The following GABPA variants were observed in gnomAD, a reference collection of about 807,000 sequenced individuals.
GABPA encodes the protein GA-binding protein alpha chain.
GABPA carries 4 observed loss-of-function variants against 59.4 expected under a neutral mutation model. The observed-to-expected ratio is 0.07, with a 90% CI of 0.03 to 0.15. GABPA has a LOEUF of 0.15. Ranked by LOEUF, GABPA falls within the 10% of genes least tolerant of loss-of-function variation. The pLI is 1.00. For synonymous variants in GABPA, 164 were observed against 183.1 expected (o/e 0.90, Z 0.84); for missense variants, 251 against 543.8 (o/e 0.46, Z 5.36).
chr21:25,760,179 C>G (rs1005014093), intron 6 of GABPA, among the ~76,000 whole-genome samples: 1 of 152,132 alleles, frequency 6.6e-6, no homozygotes, highest in African/African-American at 2.4e-5. Context: ...TAGGGAAATC[C>G]CATCTGCTTT....
chr21:25,755,882 A>G (rs1344539042), intron 5 of GABPA, among the ~76,000 whole-genome samples: 1 of 152,174 alleles, frequency 6.6e-6, no homozygotes, highest in Non-Finnish European at 1.5e-5. Context: ...GGGGTTCTGC[A>G]GGCAGGAATT....
At chr21:25,761,396 T>C (rs776793638) in intron 6 of GABPA, among the ~76,000 whole-genome samples, 1 of 152,188 alleles carries the variant, frequency 6.6e-6, no homozygotes, top group Non-Finnish European at 1.5e-5. Flanking sequence ...TCCCATATAA[T>C]TCTTAAGTCC....
At chr21:25,766,182 T>G (rs981915785) in intron 9 of GABPA, among the ~76,000 whole-genome samples, 3 of 152,004 alleles carry the variant, frequency 2.0e-5, no homozygotes, top group African/African-American at 7.2e-5. Flanking sequence ...GGAAACGACC[T>G]GCTTTTCAAT....
chr21:25,736,201 C>A (rs1265862162), intron 1 of GABPA, among the ~76,000 whole-genome samples: 2 of 151,860 alleles, frequency 1.3e-5, no homozygotes, highest in East Asian at 3.9e-4. Context: ...ATTTAGGGAC[C>A]CCAGTTTGAT....
intron 7 of GABPA, chr21:25,763,483 T>A (rs1276303908): frequency 6.0e-6 from 1 of 167,978 alleles, no homozygotes; most frequent in Non-Finnish European, 1.3e-5. Context: ...ATACCTGTTG[T>A]AGGTTTCATT....
chr21:25,749,232 A>G (rs1488372009), intron 4 of GABPA, 112 bp downstream of exon 4: 1 of 643,144 alleles, frequency 1.6e-6, no homozygotes, highest in African/African-American at 1.8e-5. Flanking sequence ...ATATGATATA[A>G]TAGCCAAAAT....
intron 5 of GABPA, among the ~76,000 whole-genome samples, chr21:25,754,791 C>T (rs1232182249): frequency 1.3e-5 from 2 of 152,170 alleles, no homozygotes; most frequent in African/African-American, 4.8e-5. Flanking sequence ...GTGGCTCATG[C>T]CTGTAATCCC....
chr21:25,736,812 A>G (rs764948164), intron 1 of GABPA, among the ~76,000 whole-genome samples: 3 of 152,210 alleles, frequency 2.0e-5, no homozygotes, highest in East Asian at 1.9e-4. Context: ...CTCTTTTTAT[A>G]TTACATAGAT....
rs914384422 is a variant in GABPA, at chr21:25,770,943, AAG to A, written c.*1715_*1716del. The A allele has an allele frequency of 6.6e-6, 1 of 152,030 alleles. No homozygotes were observed. The highest frequency in any genetic ancestry group is 2.4e-5 in the African/African-American group (1 of 41,436). 9.4% of individuals were successfully genotyped at this position (152,030 alleles called of 1,614,324 possible). ...TGTATTTCCATTTTTACTTTTTTGA[AAG>A]AGAATATATGGACAGATTATTAGTA... On this transcript the variant is annotated 3_prime_UTR_variant, in exon 10 of 10. Transcript: ENST00000400075.
intron 2 of GABPA, 107 bp downstream of exon 2, chr21:25,741,782 A>C (rs1172203737): frequency 2.8e-5 from 18 of 650,620 alleles, no homozygotes; most frequent in South Asian, 1.8e-4. Context: ...AACTGTTCTC[A>C]GTATTTTAGG....
At chr21:25,744,708 C>T (rs764218211) in intron 2 of GABPA, among the ~76,000 whole-genome samples, 23 of 151,954 alleles carry the variant, frequency 1.5e-4, no homozygotes, top group Non-Finnish European at 2.4e-4. Context: ...AAACGTTGAG[C>T]TGTCCTGATT....
At chr21:25,747,382 C>T (rs1170265986) in intron 3 of GABPA, among the ~76,000 whole-genome samples, 3 of 152,142 alleles carry the variant, frequency 2.0e-5, no homozygotes, top group Non-Finnish European at 4.4e-5. Flanking sequence ...CTGCAGATTA[C>T]CCAGGCTCTT....
chr21:25,737,175 A>G (rs8133991), intron 1 of GABPA, among the ~76,000 whole-genome samples: 19,645 of 152,300 alleles, frequency 0.13, 1,383 homozygotes, highest in Non-Finnish European at 0.15. Flanking sequence ...TTAATCCAGC[A>G]GAACCAGAGT....
chr21:25,763,280 C>T (rs1601149545), intron 7 of GABPA: 2 of 363,154 alleles, frequency 5.5e-6, no homozygotes, highest in East Asian at 1.4e-4. Flanking sequence ...GCATTTTTCC[C>T]CCCTTTTCAG....
At chr21:25,746,095 T>G (rs1466395284) in intron 3 of GABPA, among the ~76,000 whole-genome samples, 1 of 151,454 alleles carries the variant, frequency 6.6e-6, no homozygotes, top group Non-Finnish European at 1.5e-5. Context: ...CACTGCAACC[T>G]CCACCTCCCA....
intron 5 of GABPA, among the ~76,000 whole-genome samples, chr21:25,757,654 ATTT>A (rs1054018574): frequency 2.6e-4 from 39 of 152,026 alleles, no homozygotes; most frequent in Non-Finnish European, 4.1e-4. Flanking sequence ...GCAACTGCAA[ATTT>A]TTTTAAACTT....
At chr21:25,747,035 T>G (rs1488393212) in intron 3 of GABPA, among the ~76,000 whole-genome samples, 1 of 152,178 alleles carries the variant, frequency 6.6e-6, no homozygotes, top group Non-Finnish European at 1.5e-5. Flanking sequence ...TTCACATCAG[T>G]CTTTGAAATC....
intron 4 of GABPA, 144 bp from the exon 5 acceptor site, chr21:25,751,845 G>T: frequency 2.6e-6 from 2 of 755,764 alleles, no homozygotes; most frequent in Non-Finnish European, 4.2e-6. Context: ...CCTTCACCCA[G>T]ATTCCCCAAA....
chr21:25,738,441 G>A (rs1292344802), intron 1 of GABPA, among the ~76,000 whole-genome samples: 1 of 151,906 alleles, frequency 6.6e-6, no homozygotes, highest in African/African-American at 2.4e-5. Flanking sequence ...GTCACTTTTG[G>A]GTATTGGAAA....
Sources: gnomAD v4.1 joint callset for allele counts (sites outside exome capture counted in the v4.1 genomes callset) on GRCh38, gnomAD v4.1.1 for gene constraint, MANE v1.5 for transcripts, NCBI Gene and HGNC (gene_info 2026-07-23, HGNC 2026-07-21) for gene names.